Variants in ANO4 observed in about 807,000 individuals in gnomAD.
ANO4 encodes anoctamin-4.
In ANO4, 69 loss-of-function variants were observed where a neutral mutation model predicts 141.9. The ratio of observed to expected loss-of-function variants is 0.49; its 90% confidence interval spans 0.40 to 0.59. The LOEUF is 0.59. ANO4 is among the 20% of genes least tolerant of loss of function. The probability of loss-of-function intolerance (pLI) is 0.00; values close to 1 mark genes in which losing one functional copy is unlikely to be tolerated. For missense variants in ANO4, 894 were observed against 1,162.2 expected (o/e 0.77, Z 3.36); for synonymous variants, 350 against 394.3 (o/e 0.89, Z 1.33).
At chr12:100,728,729 A>G (rs1000431227) in intron 1 of ANO4, among the ~76,000 whole-genome samples, 1 of 152,070 alleles carries the variant, frequency 6.6e-6, no homozygotes, top group African/African-American at 2.4e-5. Flanking sequence ...TAATTCCACC[A>G]CCTTTTCTTT....
chr12:100,954,917 TG>T (rs1418683126), intron 5 of ANO4, among the ~76,000 whole-genome samples: 2 of 152,198 alleles, frequency 1.3e-5, no homozygotes, highest in African/African-American at 4.8e-5. Context: ...GCCACAAGCC[TG>T]CCTATGGAAA....
intron 2 of ANO4, among the ~76,000 whole-genome samples, chr12:100,909,236 G>A (rs2040988890): frequency 6.6e-6 from 1 of 152,138 alleles, no homozygotes; most frequent in South Asian, 2.1e-4. Flanking sequence ...ATTCTTACCG[G>A]TTTTTCTAGT....
At chr12:100,869,215 A>G (rs777552054) in intron 1 of ANO4, among the ~76,000 whole-genome samples, 13 of 152,204 alleles carry the variant, frequency 8.5e-5, no homozygotes, top group Non-Finnish European at 1.5e-4. Flanking sequence ...TTCGAAACTC[A>G]TACCTTCTCT....
intron 25 of ANO4, among the ~76,000 whole-genome samples, chr12:101,119,770 G>A (rs2051004869): frequency 1.3e-5 from 2 of 152,134 alleles, no homozygotes; most frequent in South Asian, 4.2e-4. Context: ...TAAGTTCCTG[G>A]TAATGTTTTA....
chr12:100,910,914 C>T (rs1407380098), intron 2 of ANO4, among the ~76,000 whole-genome samples: 1 of 151,936 alleles, frequency 6.6e-6, no homozygotes, highest in Non-Finnish European at 1.5e-5. Flanking sequence ...ACCTATGGCC[C>T]TTTCCACATT....
chr12:100,997,936 T>C lies in ANO4; in HGVS notation c.734+10266T>C, dbSNP rs1053696908. On this transcript the variant is annotated intron_variant, in intron 8 of 27. Transcript: ENST00000392977. ...ATCAGCATGGTTCTGAAGACTTAAC[T>C]GCTCATGGCCATAACTTTCTGTGAG... Among the ~76,000 whole-genome samples the C allele has an allele frequency of 9.2e-5, 12 of 129,992 alleles. No individual in the cohort carries two copies. In the South Asian group the frequency reaches 1.2e-3, roughly 12 times the overall value. 85.3% of individuals were successfully genotyped at this position (129,992 alleles called of 152,430 possible).
intron 6 of ANO4, among the ~76,000 whole-genome samples, chr12:100,974,484 C>T (rs1380912609): frequency 6.6e-6 from 1 of 152,092 alleles, no homozygotes; most frequent in Non-Finnish European, 1.5e-5. Flanking sequence ...ATGTTGCCCT[C>T]TGATCCATCT....
intron 14 of ANO4, among the ~76,000 whole-genome samples, chr12:101,069,449 T>C (rs1012550784): frequency 6.6e-5 from 10 of 152,240 alleles, no homozygotes; most frequent in African/African-American, 2.4e-4. Flanking sequence ...TCCTTGTGCA[T>C]TTAATACCTC....
intron 1 of ANO4, among the ~76,000 whole-genome samples, chr12:100,879,332 G>A (rs772117810): frequency 2.4e-4 from 36 of 152,294 alleles, no homozygotes; most frequent in Middle Eastern, 3.4e-3. Context: ...AAATTAAGCA[G>A]TGTGGAGGTT....
In ANO4 at chr12:101,020,243, A is replaced by G. The variant is rs576480661; in HGVS notation, c.841+103A>G. The G allele has an allele frequency of 1.3e-4, 99 of 745,810 alleles. No homozygotes were observed. The East Asian group carries it at 2.6e-3, about 20-fold the overall frequency. The allele number at this position is 745,810 out of a possible 1,614,324, so 46.2% of individuals were successfully genotyped here. On this transcript the variant is annotated intron_variant, in intron 9 of 27. Coordinates refer to ENST00000392977, the MANE Select transcript of ANO4 (RefSeq NM_001286615.2). Reference sequence around the variant, plus strand: ...TGTATCAATTCTAGCAATGCTTGTCACTTATAAAACCCCTAACTAATCCTT... The same window carrying G: ...TGTATCAATTCTAGCAATGCTTGTCGCTTATAAAACCCCTAACTAATCCTT...
At chr12:101,004,134 A>T (rs926831528) in intron 8 of ANO4, among the ~76,000 whole-genome samples, 3 of 72,390 alleles carry the variant, frequency 4.1e-5, no homozygotes, top group African/African-American at 1.7e-4. Flanking sequence ...TTATTTTTTT[A>T]AAAAAAGGAT....
intron 3 of ANO4, among the ~76,000 whole-genome samples, chr12:100,924,354 G>C (rs918721618): frequency 2.0e-5 from 3 of 152,000 alleles, no homozygotes; most frequent in Non-Finnish European, 2.9e-5. Flanking sequence ...AACAACTGAG[G>C]GTGGAAGAAA....
intron 9 of ANO4, among the ~76,000 whole-genome samples, chr12:101,026,488 A>G (rs987365595): frequency 5.3e-5 from 8 of 152,080 alleles, no homozygotes; most frequent in Non-Finnish European, 1.2e-4. Flanking sequence ...AATCCAGTCA[A>G]ATTCCCAGAA....
intron 8 of ANO4, among the ~76,000 whole-genome samples, chr12:100,988,315 A>C (rs1408263318): frequency 6.6e-6 from 1 of 152,150 alleles, no homozygotes; most frequent in Non-Finnish European, 1.5e-5. Flanking sequence ...CTGAGATGAC[A>C]AGAAATGATG....
At chr12:100,825,695 G>A (rs2036295511) in intron 1 of ANO4, among the ~76,000 whole-genome samples, 1 of 151,932 alleles carries the variant, frequency 6.6e-6, no homozygotes, top group East Asian at 1.9e-4. Context: ...TGAAAATTTG[G>A]AACACTTAAT....
intron 3 of ANO4, among the ~76,000 whole-genome samples, chr12:100,923,653 G>C (rs1429326122): frequency 6.6e-6 from 1 of 152,168 alleles, no homozygotes; most frequent in Non-Finnish European, 1.5e-5. Flanking sequence ...TATATGCTCA[G>C]TAATGGGATT....
At chr12:101,030,956 C>CA (rs1344756939) in intron 9 of ANO4, among the ~76,000 whole-genome samples, 2 of 151,928 alleles carry the variant, frequency 1.3e-5, no homozygotes, top group African/African-American at 4.8e-5. Flanking sequence ...GCCTACCCAC[C>CA]AAAAAAAGCC....
intron 2 of ANO4, among the ~76,000 whole-genome samples, chr12:100,735,543 A>G (rs1305934265): frequency 1.3e-5 from 2 of 152,110 alleles, no homozygotes; most frequent in African/African-American, 4.8e-5. Flanking sequence ...CCTATGGGAG[A>G]ATCTGGTGTT....
At chr12:100,949,632 G>A (rs956906166) in intron 5 of ANO4, among the ~76,000 whole-genome samples, 1 of 152,128 alleles carries the variant, frequency 6.6e-6, no homozygotes, top group Non-Finnish European at 1.5e-5. Context: ...TTTTCATCCA[G>A]TTTACAAATT....
Sources: gnomAD v4.1 joint callset for allele counts (sites outside exome capture counted in the v4.1 genomes callset) on GRCh38, gnomAD v4.1.1 for gene constraint, MANE v1.5 for transcripts, NCBI Gene and HGNC (gene_info 2026-07-23, HGNC 2026-07-21) for gene names.